Variants in FRMD4B observed in about 807,000 individuals in gnomAD.
FRMD4B encodes the protein FERM domain containing 4B.
In FRMD4B, 74 loss-of-function variants were observed where a neutral mutation model predicts 141.5. That is an observed-to-expected ratio of 0.52 (90% CI 0.43 to 0.63). The LOEUF is 0.63. FRMD4B is among the 30% of genes least tolerant of loss of function. The pLI is 0.00. For synonymous variants in FRMD4B, 506 were observed against 467.9 expected (o/e 1.08, Z -1.05); for missense variants, 1,366 against 1,253.4 (o/e 1.09, Z -1.36).
At chr3:69,536,180 T>C in intron 1 of FRMD4B, 1 of 556,676 alleles carries the variant, frequency 1.8e-6, no homozygotes, top group Non-Finnish European at 3.3e-6. Context: ...CGCTGCCTTC[T>C]TCACCTTGCC....
At chr3:69,390,374 T>G (rs1053581441), upstream of FRMD4B, among the ~76,000 whole-genome samples, 10 of 152,296 alleles carry the variant, frequency 6.6e-5, no homozygotes, top group South Asian at 2.1e-3. Context: ...AGTTCAATGG[T>G]TCTCAACCGG....
chr3:69,521,777 C>A (rs1324623865), intron 1 of FRMD4B, among the ~76,000 whole-genome samples: 1 of 152,172 alleles, frequency 6.6e-6, no homozygotes, highest in Non-Finnish European at 1.5e-5. Flanking sequence ...GAATACCCAC[C>A]CCGCAGACAT....
Position 69,176,525 on chromosome 3 carries a change from T to C in FRMD4B, c.2983A>G (p.Arg995Gly), listed in dbSNP as rs1278689114. The change falls in exon 22 of 23, where the codon AGA becomes GGA. Residue 995 changes from arginine (R) to glycine (G), a missense_variant and splice_region_variant. Transcript: ENST00000398540. The part of the protein sequence containing the change: ...NVYNPLPSPS[R>G]QYTEISQLDG... ...GATTTTCGAGCATTGCTTCCTCACC[T>C]GCTTGGAGAGGGTAAAGGATTATAG... The C allele has an allele frequency of 1.2e-6, 2 of 1,611,292 alleles. No individual in the cohort carries two copies. Among genetic ancestry groups the C allele is most frequent in the East Asian group, 2.2e-5 (1 of 44,876 alleles).
intron 1 of FRMD4B, among the ~76,000 whole-genome samples, chr3:69,479,610 C>T (rs1243538206): frequency 1.3e-5 from 2 of 152,198 alleles, no homozygotes; most frequent in African/African-American, 4.8e-5. Flanking sequence ...TTGTGGGTAA[C>T]CCAACCTTTC....
At chr3:69,367,140 A>C (rs1263695229) in intron 1 of FRMD4B, among the ~76,000 whole-genome samples, 1 of 152,216 alleles carries the variant, frequency 6.6e-6, no homozygotes, top group Non-Finnish European at 1.5e-5. Flanking sequence ...GTGTGAATGG[A>C]CACAAAGTTA....
chr3:69,508,237 T>TA (rs1706631511), intron 1 of FRMD4B, among the ~76,000 whole-genome samples: 1 of 152,120 alleles, frequency 6.6e-6, no homozygotes, highest in African/African-American at 2.4e-5. Flanking sequence ...AAGAAAAAAA[T>TA]AAAAACTTTT....
chr3:69,406,911 A>ATTTT (rs67956877), intron 2 of FRMD4B, among the ~76,000 whole-genome samples: 9 of 135,184 alleles, frequency 6.7e-5, no homozygotes, highest in African/African-American at 8.4e-5. Context: ...TTTAATTTTA[A>ATTTT]TTTTTTTTTT....
At chr3:69,333,427 G>C (rs1702444795) in intron 1 of FRMD4B, among the ~76,000 whole-genome samples, 1 of 152,164 alleles carries the variant, frequency 6.6e-6, no homozygotes, top group African/African-American at 2.4e-5. Context: ...AGTCAAATGA[G>C]CCAGATCACC....
intron 1 of FRMD4B, among the ~76,000 whole-genome samples, chr3:69,473,064 A>T (rs1341094380): frequency 6.6e-6 from 1 of 150,986 alleles, no homozygotes; most frequent in Admixed American, 6.6e-5. Context: ...CATTAATCCC[A>T]CTCCTTATGA....
At chr3:69,201,489 A>G (rs1015060461) in intron 11 of FRMD4B, among the ~76,000 whole-genome samples, 2 of 152,216 alleles carry the variant, frequency 1.3e-5, no homozygotes, top group African/African-American at 4.8e-5. Context: ...GTTTTGTACA[A>G]GAGTGAGATT....
rs1559724064 is a variant in FRMD4B at position 69,215,282 on chromosome 3, C to CTTTTTTTTTTTTTTTTTT, written c.876+980_876+981insAAAAAAAAAAAAAAAAAA. Reference sequence around the variant, plus strand: ...AATCCAAATCTGATAGATTGTGACCCTCTTTTTTTTTTTTTTTTTTTTTTT... The same window carrying CTTTTTTTTTTTTTTTTTT: ...AATCCAAATCTGATAGATTGTGACCCTTTTTTTTTTTTTTTTTTTCTTTTTTTTTTTTTTTTTTTTTTT... On this transcript the variant is annotated intron_variant, in intron 11 of 22. Coordinates refer to ENST00000398540, the MANE Select transcript of FRMD4B (RefSeq NM_015123.3). 2.4e-4 allele frequency among the ~76,000 whole-genome samples: 9 copies of CTTTTTTTTTTTTTTTTTT among 37,492 alleles called. No homozygotes were observed. The East Asian group carries it at 2.5e-3, about 11-fold the overall frequency. 24.6% of individuals were successfully genotyped at this position (37,492 alleles called of 152,430 possible).
chr3:69,393,728 T>G (rs1704429044), intron 2 of FRMD4B, among the ~76,000 whole-genome samples: 1 of 152,186 alleles, frequency 6.6e-6, no homozygotes, highest in African/African-American at 2.4e-5. Flanking sequence ...ACAAAAAAAG[T>G]CATAAATTGG....
intron 1 of FRMD4B, among the ~76,000 whole-genome samples, chr3:69,441,945 A>G (rs1169779498): frequency 6.6e-6 from 1 of 152,208 alleles, no homozygotes; most frequent in Non-Finnish European, 1.5e-5. Context: ...GAACAGTGAA[A>G]GTGCCACTGT....
intron 1 of FRMD4B, among the ~76,000 whole-genome samples, chr3:69,347,277 G>C (rs1179212945): frequency 1.3e-5 from 2 of 152,190 alleles, no homozygotes; most frequent in Admixed American, 1.3e-4. Context: ...AACCAGAAGA[G>C]CTAACTATCC....
intron 2 of FRMD4B, among the ~76,000 whole-genome samples, chr3:69,407,289 T>C (rs1338950896): frequency 6.6e-6 from 1 of 152,218 alleles, no homozygotes; most frequent in Non-Finnish European, 1.5e-5. Flanking sequence ...TAATGTAATG[T>C]AAGTGATTCC....
At chr3:69,423,643 G>A (rs1705022192) in intron 2 of FRMD4B, among the ~76,000 whole-genome samples, 1 of 152,064 alleles carries the variant, frequency 6.6e-6, no homozygotes, top group South Asian at 2.1e-4. Context: ...TAGGAGATAG[G>A]GCCTCTGGGA....
intron 1 of FRMD4B, among the ~76,000 whole-genome samples, chr3:69,362,700 A>ACCC (rs71115686): frequency 2.1e-5 from 3 of 142,802 alleles, no homozygotes; most frequent in South Asian, 2.4e-4. Flanking sequence ...CAAAAAGCCA[A>ACCC]CCCCCCCCCC....
chr3:69,457,601 C>T (rs1228203685), intron 1 of FRMD4B, among the ~76,000 whole-genome samples: 1 of 152,148 alleles, frequency 6.6e-6, no homozygotes, highest in African/African-American at 2.4e-5. Flanking sequence ...TCTTGTGCCA[C>T]GTTTGTTTTC....
chr3:69,326,838 G>C (rs1575734016), intron 1 of FRMD4B, among the ~76,000 whole-genome samples: 1 of 152,246 alleles, frequency 6.6e-6, no homozygotes, highest in African/African-American at 2.4e-5. Context: ...ACTGTCAAAT[G>C]TTTATTTTCA....
Sources: allele counts gnomAD v4.1 joint callset (sites outside exome capture counted in the v4.1 genomes callset), GRCh38; gene constraint gnomAD v4.1.1; transcripts MANE v1.5; gene names NCBI Gene and HGNC (gene_info 2026-07-23, HGNC 2026-07-21).